ACTR3C: variants seen among roughly 807,000 people sequenced by gnomAD.
ACTR3C encodes the protein actin-related protein 3C.
ACTR3C carries 18 observed loss-of-function variants against 26.3 expected under a neutral mutation model. The observed-to-expected ratio is 0.68, with a 90% CI of 0.47 to 1.01. The LOEUF (loss-of-function observed/expected upper bound fraction) is 1.01. Among genes scored for constraint, ACTR3C ranks in the 50% least tolerant of loss-of-function variants. The pLI, the probability that ACTR3C is intolerant of heterozygous loss-of-function variation, is 0.00. For missense variants in ACTR3C, 184 were observed against 250.7 expected (o/e 0.73, Z 1.80); for synonymous variants, 55 against 94.5 (o/e 0.58, Z 2.42).
At chr7:150,001,063 G>A in the ACTR3C span, 1 of 152,342 alleles carries the variant, frequency 6.6e-6, no homozygotes, top group East Asian at 1.9e-4. Flanking sequence ...ATCACAGGAG[G>A]TCTCAGGGAC....
At chr7:150,036,393 T>C in the ACTR3C span, among the ~76,000 whole-genome samples, 9 of 147,156 alleles carry the variant, frequency 6.1e-5, no homozygotes, top group African/African-American at 2.0e-4. Context: ...CCCCACAGTT[T>C]GGGTTAAAAG....
At chr7:150,187,468 A>G in the ACTR3C span, among the ~76,000 whole-genome samples, 2 of 148,098 alleles carry the variant, frequency 1.4e-5, no homozygotes, top group East Asian at 4.0e-4. Flanking sequence ...AACAGTACTA[A>G]CTAAAGAATT....
the ACTR3C span, among the ~76,000 whole-genome samples, chr7:149,885,045 T>G: frequency 2.0e-5 from 3 of 152,146 alleles, no homozygotes; most frequent in Admixed American, 2.0e-4. Flanking sequence ...GGGAGGGCAC[T>G]GTTCTTTGCA....
At chr7:150,310,858 C>T (rs1198380079) in intron 1 of ACTR3C, among the ~76,000 whole-genome samples, 1 of 152,134 alleles carries the variant, frequency 6.6e-6, no homozygotes, top group South Asian at 2.1e-4. Context: ...GAACACTATC[C>T]TACTTCTTCA....
At chr7:150,193,931 C>T in the ACTR3C span, among the ~76,000 whole-genome samples, 3 of 147,832 alleles carry the variant, frequency 2.0e-5, no homozygotes, top group Non-Finnish European at 3.0e-5. Context: ...AAATTCTTAC[C>T]AATATTATGC....
chr7:150,003,568 T>G, the ACTR3C span, among the ~76,000 whole-genome samples: 5 of 152,088 alleles, frequency 3.3e-5, no homozygotes, highest in African/African-American at 1.2e-4. Flanking sequence ...GGATGTGTGT[T>G]GTGTGTGGTA....
intron 1 of ACTR3C, among the ~76,000 whole-genome samples, chr7:150,308,232 T>C (rs1395333950): frequency 3.3e-5 from 5 of 152,066 alleles, no homozygotes; most frequent in Admixed American, 3.3e-4. Context: ...CTTACCTTTT[T>C]CCTATGGGCA....
At chr7:150,193,520 T>G in the ACTR3C span, among the ~76,000 whole-genome samples, 1 of 151,696 alleles carries the variant, frequency 6.6e-6, no homozygotes, top group African/African-American at 2.4e-5. Flanking sequence ...GATCATTGAT[T>G]TAAGATCTTT....
At chr7:150,160,670 T>A in the ACTR3C span, among the ~76,000 whole-genome samples, 1 of 151,820 alleles carries the variant, frequency 6.6e-6, no homozygotes, top group Non-Finnish European at 1.5e-5. Flanking sequence ...ATATAAGGAT[T>A]GAAAAATGTA....
At chr7:149,911,217 G>A in the ACTR3C span, among the ~76,000 whole-genome samples, 2 of 151,662 alleles carry the variant, frequency 1.3e-5, no homozygotes, top group Non-Finnish European at 2.9e-5. Context: ...ATATAAATAA[G>A]TGAATTACTA....
chr7:150,286,948 G>A lies in ACTR3C; in HGVS notation c.298-408C>T, dbSNP rs369535089. Among the ~76,000 whole-genome samples the A allele has an allele frequency of 9.2e-5, 14 of 152,198 alleles. 1 individual carries two copies. In the South Asian group the frequency reaches 2.3e-3, roughly 25 times the overall value. ...GACCCGTGCTGCGAGCTCAACTACC[G>A]AGTGCGGCACTGTCTACACCCTAAA... On this transcript the variant is annotated intron_variant, in intron 4 of 7. Transcript: ENST00000683684.
the ACTR3C span, among the ~76,000 whole-genome samples, chr7:149,986,309 C>T: frequency 6.6e-6 from 1 of 152,214 alleles, no homozygotes; most frequent in Non-Finnish European, 1.5e-5. Flanking sequence ...CTCCCTTCTG[C>T]TCTACTGTTT....
chr7:150,002,975 G>A, the ACTR3C span: 401 of 152,350 alleles, frequency 2.6e-3, no homozygotes, highest in Middle Eastern at 0.017. Flanking sequence ...CAGCCATGCC[G>A]TGGCTCATCC....
At chr7:149,906,153 G>A in the ACTR3C span, among the ~76,000 whole-genome samples, 11 of 152,166 alleles carry the variant, frequency 7.2e-5, no homozygotes, top group African/African-American at 2.2e-4. Flanking sequence ...AGTTATTTAC[G>A]ATGTGATACC....
chr7:150,111,255 C>T, the ACTR3C span, among the ~76,000 whole-genome samples: 1 of 115,680 alleles, frequency 8.6e-6, no homozygotes, highest in Non-Finnish European at 1.8e-5. Flanking sequence ...TTCCCGCACA[C>T]GTTGGCAAGG....
At chr7:149,997,455 T>A in the ACTR3C span, among the ~76,000 whole-genome samples, 1 of 151,938 alleles carries the variant, frequency 6.6e-6, no homozygotes, top group Non-Finnish European at 1.5e-5. Context: ...GAAGGCAAGG[T>A]TTTTTGTTGC....
At chr7:150,035,904 CA>C in the ACTR3C span, among the ~76,000 whole-genome samples, 1,314 of 137,844 alleles carry the variant, frequency 9.5e-3, 184 homozygotes, top group Non-Finnish European at 0.016. Flanking sequence ...TCTCAGTCCC[CA>C]CCCTCGCGGG....
At chr7:150,223,676 T>A in the ACTR3C span, among the ~76,000 whole-genome samples, 3 of 152,134 alleles carry the variant, frequency 2.0e-5, no homozygotes, top group East Asian at 5.8e-4. Context: ...GATAAATCCA[T>A]TATAAAGTCA....
chr7:150,272,826 G>A (rs1834557448), intron 6 of ACTR3C, among the ~76,000 whole-genome samples: 1 of 136,528 alleles, frequency 7.3e-6, no homozygotes, highest in Non-Finnish European at 1.5e-5. Context: ...AAGTAGCTGA[G>A]ACTACAGGTG....
Sources: gnomAD v4.1 joint callset for allele counts (sites outside exome capture counted in the v4.1 genomes callset) on GRCh38, gnomAD v4.1.1 for gene constraint, MANE v1.5 for transcripts, NCBI Gene and HGNC (gene_info 2026-07-23, HGNC 2026-07-21) for gene names.